Variants in MPHOSPH9 observed in about 807,000 individuals in gnomAD.
MPHOSPH9 encodes the protein M-phase phosphoprotein 9.
MPHOSPH9 carries 88 observed loss-of-function variants against 145.5 expected under a neutral mutation model. That is an observed-to-expected ratio of 0.60 (90% confidence interval 0.51 to 0.72). The LOEUF (loss-of-function observed/expected upper bound fraction) is 0.72, where lower values mean the gene tolerates loss of function less well. MPHOSPH9 is among the 30% of genes least tolerant of loss of function. The pLI, the probability that MPHOSPH9 is intolerant of heterozygous loss-of-function variation, is 0.00. For missense variants in MPHOSPH9, 1,238 were observed against 1,386.6 expected (o/e 0.89, Z 1.70); for synonymous variants, 435 against 486.2 (o/e 0.89, Z 1.39).
At chr12:123,197,150 T>C (rs1446126154) in intron 12 of MPHOSPH9, among the ~76,000 whole-genome samples, 1 of 150,902 alleles carries the variant, frequency 6.6e-6, no homozygotes, top group Non-Finnish European at 1.5e-5. Flanking sequence ...AAAGGGTAAG[T>C]TTTATGGTAT....
intron 7 of MPHOSPH9, among the ~76,000 whole-genome samples, chr12:123,210,782 C>T (rs536739328): frequency 3.3e-5 from 5 of 151,262 alleles, no homozygotes; most frequent in Non-Finnish European, 7.4e-5. Flanking sequence ...GCAGTGGTGC[C>T]ATCTCAGTCC....
Position 123,221,406 on chromosome 12 carries a change from T to C in MPHOSPH9, c.838A>G (p.Lys280Glu), listed in dbSNP as rs764301833. The part of the protein sequence containing the change: ...EFEHNFLGEN[K>E]VSEVYSGKTN... ...TTCCCACTGTATACTTCAGAAACCT[T>C]ATTTTCACCAAGAAAATTATGTTCA... The change falls in exon 5 of 24, where the codon AAG (lysine) becomes GAG (glutamate). Residue 280 changes from lysine to glutamate, a missense_variant. Lys to Glu is a moderately conservative substitution (Grantham distance 56, BLOSUM62 1). Transcript: ENST00000606320. 6.2e-7 allele frequency: 1 copy of C among 1,608,578 alleles called. No homozygotes were observed. Among genetic ancestry groups the C allele is most frequent in the Admixed American group, 1.7e-5 (1 of 58,626 alleles).
intron 16 of MPHOSPH9, among the ~76,000 whole-genome samples, chr12:123,170,497 G>T (rs2044531954): frequency 6.6e-6 from 1 of 151,854 alleles, no homozygotes; most frequent in Non-Finnish European, 1.5e-5. Context: ...GCCCAGGCTG[G>T]TCTCAAACTC....
intron 13 of MPHOSPH9, among the ~76,000 whole-genome samples, chr12:123,184,338 GA>G (rs982957680): frequency 4.6e-5 from 7 of 151,460 alleles, no homozygotes; most frequent in African/African-American, 1.7e-4. Flanking sequence ...AACAACCCCA[GA>G]AAAAAAACCT....
At chr12:123,180,236 C>T (rs2045065799) in intron 14 of MPHOSPH9, among the ~76,000 whole-genome samples, 1 of 152,136 alleles carries the variant, frequency 6.6e-6, no homozygotes, top group African/African-American at 2.4e-5. Flanking sequence ...TTATACTTTG[C>T]TTAATTAGAA....
At chr12:123,199,455 C>T (rs983854892) in intron 11 of MPHOSPH9, among the ~76,000 whole-genome samples, 3 of 152,088 alleles carry the variant, frequency 2.0e-5, no homozygotes, top group African/African-American at 4.8e-5. Flanking sequence ...AAGCACGTTT[C>T]GTTTATCCTC....
intron 3 of MPHOSPH9, among the ~76,000 whole-genome samples, chr12:123,223,433 C>T (rs1218987229): frequency 6.6e-6 from 1 of 152,210 alleles, no homozygotes; most frequent in Non-Finnish European, 1.5e-5. Context: ...CATCTTTCCA[C>T]TCCTAAGCTC....
intron 23 of MPHOSPH9, among the ~76,000 whole-genome samples, chr12:123,158,090 A>G (rs1164243250): frequency 6.6e-6 from 1 of 152,072 alleles, no homozygotes; most frequent in African/African-American, 2.4e-5. Flanking sequence ...CCCAGGTTCA[A>G]GCGATTCTCC....
chr12:123,211,133 C>T (rs189692720), intron 7 of MPHOSPH9, among the ~76,000 whole-genome samples: 3 of 152,146 alleles, frequency 2.0e-5, no homozygotes, highest in East Asian at 3.9e-4. Context: ...TACAGGAATG[C>T]ACCATCACGC....
chr12:123,166,199 C>G (rs191405840), intron 17 of MPHOSPH9, among the ~76,000 whole-genome samples: 1 of 152,204 alleles, frequency 6.6e-6, no homozygotes, highest in African/African-American at 2.4e-5. Flanking sequence ...TTGAGCTCCC[C>G]AGGCTCAAGT....
intron 7 of MPHOSPH9, among the ~76,000 whole-genome samples, chr12:123,213,809 G>C (rs941967002): frequency 1.3e-5 from 2 of 152,162 alleles, no homozygotes. Flanking sequence ...TTGGAGAGGA[G>C]GAGTCACATG....
intron 6 of MPHOSPH9, 34 bp downstream of exon 6, chr12:123,218,342 C>G (rs1356939624): frequency 3.7e-6 from 6 of 1,612,798 alleles, no homozygotes; most frequent in Non-Finnish European, 5.1e-6. Flanking sequence ...ATCATCAGTA[C>G]TGGAGCCCGC....
chr12:123,193,053 CAG>C (rs2045761692), intron 13 of MPHOSPH9, among the ~76,000 whole-genome samples: 1 of 119,594 alleles, frequency 8.4e-6, no homozygotes, highest in East Asian at 2.4e-4. Flanking sequence ...GCCTGGGCGA[CAG>C]AGAGGGATTG....
chr12:123,168,547 T>G (rs901374180), intron 16 of MPHOSPH9, among the ~76,000 whole-genome samples: 1 of 151,898 alleles, frequency 6.6e-6, no homozygotes, highest in Non-Finnish European at 1.5e-5. Context: ...TTTCACCGTG[T>G]TAGCCAGGAT....
upstream of MPHOSPH9, among the ~76,000 whole-genome samples, chr12:123,236,759 G>A (rs2047856948): frequency 6.6e-6 from 1 of 152,040 alleles, no homozygotes; most frequent in Non-Finnish European, 1.5e-5. Flanking sequence ...TAGTGTAGTT[G>A]ATAAATTATA....
In MPHOSPH9 at chr12:123,164,779, C is replaced by T. The variant is rs375842954; in HGVS notation, c.2767+523G>A. The stretch of plus-strand genomic sequence containing the variant: ...TTGTGTTGTGTTGTGGAGGACAAGG[C>T]GGGTGGACCACTTGAAGCCAGGAGT... On this transcript the variant is annotated intron_variant, in intron 18 of 23. Transcript: ENST00000606320. 1.0e-3 allele frequency among the ~76,000 whole-genome samples: 154 copies of T among 152,194 alleles called. 1 individual carries two copies. The highest frequency in any genetic ancestry group is 3.4e-3 in the Middle Eastern group (1 of 292).
chr12:123,238,887 A>G (rs1422833375), intron 1 of MPHOSPH9, among the ~76,000 whole-genome samples: 5 of 152,194 alleles, frequency 3.3e-5, no homozygotes, highest in African/African-American at 1.2e-4. Flanking sequence ...AGCCACCAGC[A>G]CATGTGGCCC....
At chr12:123,176,872 C>A (rs2044892420) in intron 15 of MPHOSPH9, 83 bp from the exon 16 acceptor site, 1 of 1,095,052 alleles carries the variant, frequency 9.1e-7, no homozygotes, top group South Asian at 1.3e-5. Flanking sequence ...TTAACAGACC[C>A]TCCTAAAAAA....
chr12:123,221,913 T>C lies in MPHOSPH9; in HGVS notation c.349-18A>G, dbSNP rs935873714. ...TGTATATGCTGGAAATAAAAAGTTA[T>C]AGATTTGGGTAAGAAAGTATATTAA... On this transcript the variant is annotated intron_variant, in intron 4 of 23. Transcript: ENST00000606320. 3 of 1,367,458 alleles carry C rather than the reference T, an allele frequency of 2.2e-6. No homozygotes were observed. Among genetic ancestry groups the C allele is most frequent in the African/African-American group, 1.5e-5 (1 of 68,214 alleles). 84.7% of individuals were successfully genotyped at this position (1,367,458 alleles called of 1,614,324 possible). A position where few individuals can be genotyped will look rare whatever the true frequency, so the allele number is the denominator to read the frequency against.
Sources: allele counts gnomAD v4.1 joint callset (sites outside exome capture counted in the v4.1 genomes callset), GRCh38; gene constraint gnomAD v4.1.1; transcripts MANE v1.5; gene names NCBI Gene and HGNC (gene_info 2026-07-23, HGNC 2026-07-21).